The following ERBB4 variants were observed in gnomAD, a reference collection of about 807,000 sequenced individuals.
The protein encoded by ERBB4 is receptor tyrosine-protein kinase erbB-4.
ERBB4 carries 42 observed loss-of-function variants against 158.0 expected under a neutral mutation model. The observed-to-expected ratio is 0.27, with a 90% CI of 0.21 to 0.34. ERBB4 has a LOEUF of 0.34. ERBB4 is among the 10% of genes least tolerant of loss of function. ERBB4 has a pLI of 1.00. For synonymous variants in ERBB4, 583 were observed against 558.7 expected (o/e 1.04, Z -0.61); for missense variants, 1,333 against 1,624.1 (o/e 0.82, Z 3.08).
intron 1 of ERBB4, among the ~76,000 whole-genome samples, chr2:212,307,706 C>G (rs2086863653): frequency 1.3e-5 from 2 of 151,128 alleles, no homozygotes; most frequent in African/African-American, 4.8e-5. Flanking sequence ...ATCACATACA[C>G]CATATGAGAT....
chr2:212,521,267 G>GTC (rs1313971010), intron 1 of ERBB4, among the ~76,000 whole-genome samples: 2 of 151,780 alleles, frequency 1.3e-5, no homozygotes, highest in African/African-American at 4.8e-5. Context: ...GAACAAAACT[G>GTC]TCTCTCTAAG....
chr2:212,386,150 C>T (rs1025371799), intron 1 of ERBB4, among the ~76,000 whole-genome samples: 1 of 151,258 alleles, frequency 6.6e-6, no homozygotes, highest in African/African-American at 2.4e-5. Flanking sequence ...AAAAAAAATA[C>T]ACTTTTTTGT....
At chr2:212,115,710 T>G (rs2079551097) in intron 2 of ERBB4, among the ~76,000 whole-genome samples, 1 of 152,166 alleles carries the variant, frequency 6.6e-6, no homozygotes, top group Non-Finnish European at 1.5e-5. Context: ...GGTCTCACCA[T>G]GTTCCTCGGG....
At chr2:211,608,215 C>T (rs1346860719) in intron 19 of ERBB4, among the ~76,000 whole-genome samples, 1 of 152,128 alleles carries the variant, frequency 6.6e-6, no homozygotes, top group African/African-American at 2.4e-5. Flanking sequence ...AAGAATACCT[C>T]TTGAACAAAG....
chr2:212,450,864 G>A (rs899872390), intron 1 of ERBB4, among the ~76,000 whole-genome samples: 1 of 149,430 alleles, frequency 6.7e-6, no homozygotes, highest in African/African-American at 2.5e-5. Context: ...GGTGGCTCAT[G>A]CCCATAATCA....
chr2:211,808,301 G>T (rs1220849562), intron 3 of ERBB4, among the ~76,000 whole-genome samples: 4 of 152,092 alleles, frequency 2.6e-5, no homozygotes, highest in African/African-American at 9.7e-5. Context: ...ATTAATTTTT[G>T]AATAAAGTGT....
chr2:212,276,316 A>G (rs1016194088), intron 1 of ERBB4, among the ~76,000 whole-genome samples: 8 of 151,956 alleles, frequency 5.3e-5, no homozygotes, highest in Admixed American at 1.3e-4. Flanking sequence ...CATAAAGACT[A>G]TATTACTATC....
chr2:211,524,789 G>A (rs1042949086), intron 20 of ERBB4, among the ~76,000 whole-genome samples: 12 of 152,164 alleles, frequency 7.9e-5, no homozygotes, highest in East Asian at 5.8e-4. Context: ...TGAGGGAGCC[G>A]GCTCTGGCCT....
At chr2:211,497,188 C>A (rs894180314) in intron 20 of ERBB4, among the ~76,000 whole-genome samples, 1 of 151,510 alleles carries the variant, frequency 6.6e-6, no homozygotes, top group African/African-American at 2.4e-5. Context: ...ATGTTTTGAC[C>A]AATTTTTGGC....
intron 25 of ERBB4, among the ~76,000 whole-genome samples, chr2:211,391,694 T>C (rs1254772531): frequency 6.6e-6 from 1 of 152,222 alleles, no homozygotes; most frequent in Non-Finnish European, 1.5e-5. Context: ...TTTAAATACA[T>C]CATGTTCTAA....
intron 2 of ERBB4, among the ~76,000 whole-genome samples, chr2:211,976,579 A>T (rs139502245): frequency 1.2e-4 from 18 of 152,146 alleles, no homozygotes; most frequent in Non-Finnish European, 2.5e-4. Context: ...ATTTAATCAA[A>T]ATCAAATTAA....
chr2:211,936,182 A>T (rs903220165), intron 3 of ERBB4, among the ~76,000 whole-genome samples: 1 of 152,122 alleles, frequency 6.6e-6, no homozygotes, highest in Admixed American at 6.6e-5. Flanking sequence ...TCAAAATGAC[A>T]TACTTATTTA....
At chr2:211,399,412 C>T (rs1477182043) in intron 25 of ERBB4, among the ~76,000 whole-genome samples, 1 of 152,164 alleles carries the variant, frequency 6.6e-6, no homozygotes, top group Non-Finnish European at 1.5e-5. Flanking sequence ...TGAAAAATCT[C>T]AGTGACTCCA....
At chr2:212,283,772 C>T (rs963585192) in intron 1 of ERBB4, among the ~76,000 whole-genome samples, 1 of 151,884 alleles carries the variant, frequency 6.6e-6, no homozygotes, top group Admixed American at 6.6e-5. Context: ...TACAATGGCT[C>T]AGGTGAAAAA....
chr2:211,714,149 C>A (rs540838526), intron 7 of ERBB4, among the ~76,000 whole-genome samples: 2 of 152,004 alleles, frequency 1.3e-5, no homozygotes, highest in African/African-American at 4.8e-5. Flanking sequence ...TACGAAGAAA[C>A]GAAATAAAAT....
At position 212,104,012 on chromosome 2, in the gene ERBB4, A is replaced by G. The variant is rs191895536; in HGVS notation, c.234+20740T>C. On this transcript the variant is annotated intron_variant, in intron 2 of 27. Coordinates refer to ENST00000342788, the MANE Select transcript of ERBB4 (RefSeq NM_005235.3). ...GGTCCTTAAGAATTGGGAAGGAATT[A>G]CTCAACCAAAAACAGTTAAAGCATT... Among the ~76,000 whole-genome samples, 385 of 152,212 alleles carry G rather than the reference A, an allele frequency of 2.5e-3. 1 individual carries two copies. Among genetic ancestry groups the G allele is most frequent in the African/African-American group, 8.9e-3 (370 of 41,566 alleles).
intron 25 of ERBB4, among the ~76,000 whole-genome samples, chr2:211,399,873 G>A (rs3791692): frequency 0.58 from 88,334 of 151,900 alleles, 25,906 homozygotes; most frequent in South Asian, 0.75. Context: ...TAAACCAACT[G>A]TAGGCAGATG....
chr2:211,556,566 G>A (rs1342655314), intron 20 of ERBB4, among the ~76,000 whole-genome samples: 1 of 151,446 alleles, frequency 6.6e-6, no homozygotes, highest in Non-Finnish European at 1.5e-5. Flanking sequence ...TACTTACAGG[G>A]TACAGAATAT....
intron 1 of ERBB4, among the ~76,000 whole-genome samples, chr2:212,175,834 A>G (rs1171868157): frequency 1.3e-5 from 2 of 151,926 alleles, no homozygotes; most frequent in African/African-American, 4.8e-5. Flanking sequence ...GAGATCATCT[A>G]TAAGTAAATC....
Sources: allele counts gnomAD v4.1 joint callset (sites outside exome capture counted in the v4.1 genomes callset), GRCh38; gene constraint gnomAD v4.1.1; transcripts MANE v1.5; gene names NCBI Gene and HGNC (gene_info 2026-07-23, HGNC 2026-07-21).